THSD7B: variants seen among roughly 807,000 people sequenced by gnomAD.
THSD7B encodes the protein thrombospondin type-1 domain-containing protein 7B.
THSD7B carries 138 observed loss-of-function variants against 213.6 expected under a neutral mutation model. The ratio of observed to expected loss-of-function variants is 0.65; its 90% CI spans 0.56 to 0.74. The LOEUF (loss-of-function observed/expected upper bound fraction) is 0.74. Ranked by LOEUF, THSD7B falls within the 30% of genes least tolerant of loss-of-function variation. The pLI, the probability that THSD7B is intolerant of heterozygous loss-of-function variation, is 0.00. For synonymous variants in THSD7B, 742 were observed against 687.0 expected (o/e 1.08, Z -1.25); for missense variants, 1,931 against 1,991.5 (o/e 0.97, Z 0.58).
chr2:137,676,364 T>G (rs1206284963), intron 27 of THSD7B, among the ~76,000 whole-genome samples, 160 bp from the exon 28 acceptor site: 3 of 152,112 alleles, frequency 2.0e-5, no homozygotes, highest in African/African-American at 7.2e-5. Context: ...AAACAGAGGG[T>G]GAAAGCATTC....
chr2:137,195,255 C>T (rs1573879006), intron 7 of THSD7B, among the ~76,000 whole-genome samples: 2 of 149,540 alleles, frequency 1.3e-5, no homozygotes, highest in South Asian at 2.1e-4. Flanking sequence ...TATATATACA[C>T]ACACACACAC....
At chr2:136,952,212 C>T (rs571321340) in intron 2 of THSD7B, among the ~76,000 whole-genome samples, 12 of 152,026 alleles carry the variant, frequency 7.9e-5, no homozygotes, top group Non-Finnish European at 1.6e-4. Flanking sequence ...AGCCAACCCC[C>T]ACCCCCCCAA....
chr2:137,379,265 C>A (rs1273184112), intron 12 of THSD7B, among the ~76,000 whole-genome samples: 1 of 152,136 alleles, frequency 6.6e-6, no homozygotes. Flanking sequence ...TTCCAACATG[C>A]AAAATAAGTT....
At chr2:136,949,006 C>A (rs1410071601) in intron 2 of THSD7B, among the ~76,000 whole-genome samples, 1 of 152,138 alleles carries the variant, frequency 6.6e-6, no homozygotes, top group East Asian at 1.9e-4. Flanking sequence ...AGGGGTCTCA[C>A]TCTGTTTCCT....
intron 1 of THSD7B, among the ~76,000 whole-genome samples, chr2:136,768,147 T>C (rs999265366): frequency 3.3e-5 from 5 of 152,230 alleles, no homozygotes; most frequent in African/African-American, 9.6e-5. Flanking sequence ...TGGTACTAAA[T>C]TGTACTTCAT....
chr2:136,983,332 A>AACACACACAGACACACAG (rs1685614811), intron 2 of THSD7B, among the ~76,000 whole-genome samples: 1 of 27,596 alleles, frequency 3.6e-5, no homozygotes, highest in African/African-American at 7.2e-5. Context: ...TTGTTGCTTC[A>AACACACACAGACACACAG]ACACACACAC....
At position 137,028,500 on chromosome 2, in the gene THSD7B, C is replaced by T. The variant is rs998492250; in HGVS notation, c.140-27920C>T. Among the ~76,000 whole-genome samples the T allele has an allele frequency of 3.9e-5, 6 of 152,212 alleles. 1 individual carries two copies. The highest frequency in any genetic ancestry group is 5.9e-5 in the Non-Finnish European group (4 of 68,032). ...TATCTTTGCCATACTATAGGCAACA[C>T]ATTTAGGAAATGAGAAAACATCTAA... On this transcript the variant is annotated intron_variant, in intron 2 of 27. Coordinates refer to ENST00000409968, the MANE Select transcript of THSD7B (RefSeq NM_001316349.2).
chr2:137,427,710 G>A (rs1020118385), intron 14 of THSD7B, among the ~76,000 whole-genome samples: 17 of 152,054 alleles, frequency 1.1e-4, no homozygotes, highest in South Asian at 2.1e-4. Context: ...TGATCAAAGC[G>A]TACAAACTTG....
In THSD7B at chr2:137,022,492, C is replaced by A. The variant is rs566683654; in HGVS notation, c.140-33928C>A. Among the ~76,000 whole-genome samples, 7 of 151,590 alleles carry A rather than the reference C, an allele frequency of 4.6e-5. No homozygotes were observed. In the South Asian group the frequency reaches 1.5e-3, roughly 32 times the overall value. ...AATTTAGCATCCAAAATGAGATATGCCATAAGTGTAAAATATACATTGGGT... is the reference window on the plus strand; with the variant it reads ...AATTTAGCATCCAAAATGAGATATGACATAAGTGTAAAATATACATTGGGT... On this transcript the variant is annotated intron_variant, in intron 2 of 27. Coordinates refer to ENST00000409968, the MANE Select transcript of THSD7B (RefSeq NM_001316349.2).
At chr2:136,828,479 G>C (rs917967487) in intron 1 of THSD7B, among the ~76,000 whole-genome samples, 2 of 152,078 alleles carry the variant, frequency 1.3e-5, no homozygotes, top group Non-Finnish European at 2.9e-5. Context: ...ATCTGCTCCT[G>C]TCTTTCTCTA....
At chr2:137,524,833 G>A (rs1680250447) in intron 15 of THSD7B, among the ~76,000 whole-genome samples, 1 of 152,148 alleles carries the variant, frequency 6.6e-6, no homozygotes, top group Admixed American at 6.5e-5. Flanking sequence ...TTTCTCAGTG[G>A]TGGATATCAG....
In THSD7B at chr2:137,022,835, G is replaced by A. The variant is rs190529360; in HGVS notation, c.140-33585G>A. On this transcript the variant is annotated intron_variant, in intron 2 of 27. Coordinates refer to ENST00000409968, the MANE Select transcript of THSD7B (RefSeq NM_001316349.2). The stretch of plus-strand genomic sequence containing the variant: ...GCTAGTAAATATTTTAGATTTTGGG[G>A]CCATAAAGTTTCTGTTGCAACTACT... Among the ~76,000 whole-genome samples, 82 of 152,168 alleles carry A rather than the reference G, an allele frequency of 5.4e-4. 1 individual carries two copies. Among genetic ancestry groups the A allele is most frequent in the African/African-American group, 2.0e-3 (82 of 41,530 alleles).
intron 17 of THSD7B, among the ~76,000 whole-genome samples, chr2:137,598,309 A>G (rs2104820313): frequency 6.6e-6 from 1 of 152,268 alleles, no homozygotes; most frequent in Admixed American, 6.5e-5. Flanking sequence ...CATCTGATAA[A>G]TCTAGAATAT....
chr2:136,819,407 T>C (rs1009401358), intron 1 of THSD7B, among the ~76,000 whole-genome samples: 6 of 152,176 alleles, frequency 3.9e-5, no homozygotes, highest in African/African-American at 1.4e-4. Context: ...CCAGGTGGAT[T>C]TGTGACCCAG....
intron 1 of THSD7B, among the ~76,000 whole-genome samples, chr2:136,767,242 G>C (rs1470402752): frequency 6.6e-6 from 1 of 152,182 alleles, no homozygotes. Flanking sequence ...CTTACTCAGT[G>C]GTGAGTGAAA....
At chr2:137,511,994 A>C (rs1679970800) in intron 15 of THSD7B, 1 of 152,182 alleles carries the variant, frequency 6.6e-6, no homozygotes, top group African/African-American at 2.4e-5. Flanking sequence ...AGTGGCCACA[A>C]AATCACTATT....
chr2:137,314,893 A>G (rs1383439203), intron 12 of THSD7B, among the ~76,000 whole-genome samples: 1 of 152,184 alleles, frequency 6.6e-6, no homozygotes, highest in East Asian at 1.9e-4. Flanking sequence ...TGCTGGGAGA[A>G]CCACTGCTCT....
chr2:137,142,243 A>G (rs1157209018), intron 5 of THSD7B, among the ~76,000 whole-genome samples: 1 of 152,146 alleles, frequency 6.6e-6, no homozygotes, highest in Non-Finnish European at 1.5e-5. Context: ...GTGTTATAAC[A>G]TGGCAGAAAG....
chr2:137,638,535 T>C (rs910852438), intron 20 of THSD7B, among the ~76,000 whole-genome samples: 1 of 152,080 alleles, frequency 6.6e-6, no homozygotes, highest in Non-Finnish European at 1.5e-5. Context: ...ATAGAGTAAA[T>C]TGATACCAGT....
Sources: allele counts gnomAD v4.1 joint callset (sites outside exome capture counted in the v4.1 genomes callset), GRCh38; gene constraint gnomAD v4.1.1; transcripts MANE v1.5; gene names NCBI Gene and HGNC (gene_info 2026-07-23, HGNC 2026-07-21).